The following FAM120AOS variants were observed in gnomAD, a reference collection of about 807,000 sequenced individuals.
The protein encoded by FAM120AOS is family with sequence similarity 120 member A opposite strand, also known as uncharacterized protein FAM120AOS.
FAM120AOS carries 15 observed loss-of-function variants against 20.2 expected under a neutral mutation model. The observed-to-expected ratio is 0.74, with a 90% CI of 0.50 to 1.15. FAM120AOS has a LOEUF of 1.15. Ranked by LOEUF, FAM120AOS falls within the 50% of genes most tolerant of loss-of-function variation. FAM120AOS has a pLI of 0.00. For synonymous variants in FAM120AOS, 154 were observed against 154.0 expected (o/e 1.00, Z 0.00); for missense variants, 327 against 351.9 (o/e 0.93, Z 0.57).
At position 93,452,073 on chromosome 9, in the gene FAM120AOS, G is replaced by C. The variant is rs1857258067; in HGVS notation, c.563+74C>G. 6.2e-7 allele frequency: 1 copy of C among 1,602,092 alleles called. No homozygotes were observed. Among genetic ancestry groups the C allele is most frequent in the African/African-American group, 1.3e-5 (1 of 74,772 alleles). On this transcript the variant is annotated intron_variant, in intron 1 of 2. Coordinates refer to ENST00000375412, the MANE Select transcript of FAM120AOS (RefSeq NM_198841.4). This position sits in a 1 kb window ranked among gnomAD's most constrained non-coding sequence, Gnocchi z 7.0. ...CGCCTGCTGGTGGACGCCGACAACT[G>C]CCTGCACCGCCTCTACGGCGGCTTC...
At position 93,445,205 on chromosome 9, in the gene FAM120AOS, T is replaced by G. The variant is rs1588734583; in HGVS notation, c.*2406A>C. 3.3e-5 allele frequency among the ~76,000 whole-genome samples: 5 copies of G among 152,162 alleles called. No homozygotes were observed. In the South Asian group the frequency reaches 1.0e-3, roughly 32 times the overall value. On this transcript the variant is annotated 3_prime_UTR_variant, in exon 3 of 3. Transcript: ENST00000375412. ...ATGTAAGACATGTTATTTGGGGATATTCAGCATTCCTTTTCCCTTCCTAAA... is the reference window on the plus strand; with the variant it reads ...ATGTAAGACATGTTATTTGGGGATAGTCAGCATTCCTTTTCCCTTCCTAAA...
intron 1 of FAM120AOS, chr9:93,451,725 C>T: frequency 1.0e-6 from 1 of 987,446 alleles, no homozygotes; most frequent in Non-Finnish European, 1.2e-6. Context: ...GCGGCAGGTC[C>T]CTCCCCAGAC....
chr9:93,447,817 T>G, intron 2 of FAM120AOS, 120 bp from the exon 3 acceptor site: 1 of 840,674 alleles, frequency 1.2e-6, no homozygotes, highest in South Asian at 1.6e-5. Context: ...CTGCTACTGC[T>G]GATAACTCAT....
Position 93,445,036 on chromosome 9 carries a change from T to C in FAM120AOS, c.*2575A>G, listed in dbSNP as rs1272592587. On this transcript the variant is annotated 3_prime_UTR_variant, in exon 3 of 3. Transcript: ENST00000375412. ...ACAAACGGTACAAATTAAAAGTTCTTGAGATGTTTGGGCTGACCATGAAGG... is the reference window on the plus strand; with the variant it reads ...ACAAACGGTACAAATTAAAAGTTCTCGAGATGTTTGGGCTGACCATGAAGG... 6.6e-6 allele frequency among the ~76,000 whole-genome samples: 1 copy of C among 152,182 alleles called. No homozygotes were observed. The highest frequency in any genetic ancestry group is 1.5e-5 in the Non-Finnish European group (1 of 68,036).
Position 93,450,462 on chromosome 9 carries a change from A to G in FAM120AOS, c.684+17T>C. On this transcript the variant is annotated intron_variant, in intron 2 of 2. Transcript: ENST00000375412. Reference sequence around the variant, plus strand: ...TGAGGTGGGTATCAGAAAAGAAAGCAGAAAAATCCAACTTGCCTTTTTCAC... The same window carrying G: ...TGAGGTGGGTATCAGAAAAGAAAGCGGAAAAATCCAACTTGCCTTTTTCAC... The G allele has an allele frequency of 6.5e-7, 1 of 1,549,770 alleles. No homozygotes were observed.
rs114459623 is a variant in FAM120AOS, at chr9:93,450,897, C to G, written c.564-298G>C. ...CCACTGCAAAGGCGCACGTTTCAGT[C>G]TAGCCATTGCGCAGTGGTAACGCAG... On this transcript the variant is annotated intron_variant, in intron 1 of 2. Transcript: ENST00000375412. 5.5e-3 allele frequency: 5,557 copies of G among 1,003,814 alleles called. 114 individuals are homozygous for G. Among genetic ancestry groups the G allele is most frequent in the African/African-American group, 0.035 (2,199 of 62,452 alleles). The allele number at this position is 1,003,814 out of a possible 1,614,324, so 62.2% of individuals were successfully genotyped here. A position where few individuals can be genotyped will look rare whatever the true frequency, so the allele number is the denominator to read the frequency against.
At position 93,446,006 on chromosome 9, in the gene FAM120AOS, G is replaced by A. The variant is rs1433174671; in HGVS notation, c.*1605C>T. 6.6e-6 allele frequency among the ~76,000 whole-genome samples: 1 copy of A among 151,880 alleles called. No homozygotes were observed. Among genetic ancestry groups the A allele is most frequent in the Non-Finnish European group, 1.5e-5 (1 of 67,864 alleles). Reference sequence around the variant, plus strand: ...TCTCAGATCCCTCAGCTCCCAGATTGGGCCAACTCTCCTTATACCACCACA... The same window carrying A: ...TCTCAGATCCCTCAGCTCCCAGATTAGGCCAACTCTCCTTATACCACCACA... On this transcript the variant is annotated 3_prime_UTR_variant, in exon 3 of 3. Transcript: ENST00000375412.
chr9:93,445,431 T>C lies in FAM120AOS; in HGVS notation c.*2180A>G, dbSNP rs1343477271. Among the ~76,000 whole-genome samples, 1 of 152,144 alleles carries C rather than the reference T, an allele frequency of 6.6e-6. No individual in the cohort carries two copies. The highest frequency in any genetic ancestry group is 2.4e-5 in the African/African-American group (1 of 41,418). On this transcript the variant is annotated 3_prime_UTR_variant, in exon 3 of 3. Coordinates refer to ENST00000375412, the MANE Select transcript of FAM120AOS (RefSeq NM_198841.4). ...CTAAGTTTGGTCCATTCTACTCTTTTTCATGACTTTGAATCTTGAGCAAAT... is the reference window on the plus strand; with the variant it reads ...CTAAGTTTGGTCCATTCTACTCTTTCTCATGACTTTGAATCTTGAGCAAAT...
At chr9:93,448,766 T>G (rs192590783) in intron 2 of FAM120AOS, among the ~76,000 whole-genome samples, 86 of 151,944 alleles carry the variant, frequency 5.7e-4, no homozygotes, top group African/African-American at 1.9e-3. Flanking sequence ...TATAGGCGCC[T>G]GCCACCACGC....
At position 93,453,458 on chromosome 9, in the gene FAM120AOS, T is replaced by C; in HGVS notation, c.-749A>G. The C allele has an allele frequency of 2.0e-6, 2 of 985,482 alleles. No homozygotes were observed. Among genetic ancestry groups the C allele is most frequent in the Non-Finnish European group, 2.4e-6 (2 of 829,940 alleles). 61.0% of individuals were successfully genotyped at this position (985,482 alleles called of 1,614,324 possible). A position where few individuals can be genotyped will look rare whatever the true frequency, so the allele number is the denominator to read the frequency against. ...GGGGGCCTTTTTGTTGTCTTAGCTC[T>C]TGACACTCGGTCTTCCATCTTGTCA... is the stretch of plus-strand genomic sequence containing the variant. On this transcript the variant is annotated 5_prime_UTR_variant, in exon 1 of 3. Coordinates refer to ENST00000375412, the MANE Select transcript of FAM120AOS (RefSeq NM_198841.4).
Position 93,444,648 on chromosome 9 carries a change from CTT to C in FAM120AOS, c.*2961_*2962del, listed in dbSNP as rs969352308. ...TTTTTTCCTGAGACGGAGTTTCGCT[CTT>C]GTTGCCCAGGCTGGAGTGCAATGGT... On this transcript the variant is annotated 3_prime_UTR_variant, in exon 3 of 3. Transcript: ENST00000375412. Among the ~76,000 whole-genome samples, 7 of 149,984 alleles carry C rather than the reference CTT, an allele frequency of 4.7e-5. No individual in the cohort carries two copies. Among genetic ancestry groups the C allele is most frequent in the African/African-American group, 9.8e-5 (4 of 40,738 alleles).
Position 93,445,926 on chromosome 9 carries a change from T to C in FAM120AOS, c.*1685A>G, listed in dbSNP as rs910346584. The stretch of plus-strand genomic sequence containing the variant: ...TTTTATATGATGGGCTGATGTCTCA[T>C]GAATAACTGTGCCAAAATCCTCACT... On this transcript the variant is annotated 3_prime_UTR_variant, in exon 3 of 3. Coordinates refer to ENST00000375412, the MANE Select transcript of FAM120AOS (RefSeq NM_198841.4). 1.3e-5 allele frequency among the ~76,000 whole-genome samples: 2 copies of C among 152,188 alleles called. No homozygotes were observed. The highest frequency in any genetic ancestry group is 4.8e-5 in the African/African-American group (2 of 41,446).
intron 1 of FAM120AOS, chr9:93,451,899 G>A (rs1857243295): frequency 1.7e-6 from 2 of 1,151,476 alleles, no homozygotes; most frequent in Non-Finnish European, 2.1e-6. Flanking sequence ...ACCCGCGCCC[G>A]CGCCCCCGCC....
intron 2 of FAM120AOS, among the ~76,000 whole-genome samples, chr9:93,449,495 T>TTG (rs2131136751): frequency 7.1e-6 from 1 of 140,994 alleles, no homozygotes; most frequent in African/African-American, 2.6e-5. Flanking sequence ...CACTGGCATT[T>TTG]TTTTTTTTTT....
chr9:93,450,540 C>T lies in FAM120AOS; in HGVS notation c.623G>A (p.Ser208Asn). Reference sequence around the variant, plus strand: ...ACCGTGCGCGTGCAGGCTCCATGTGCTGGGCAGCAGCTGTCCGGCCACAGC... The same window carrying T: ...ACCGTGCGCGTGCAGGCTCCATGTGTTGGGCAGCAGCTGTCCGGCCACAGC... ...RQAVAGQLLP[S>N]TWSLHAHGLA... The change falls in exon 2 of 3, where the codon AGC becomes AAC. Residue 208 changes from serine to asparagine, a missense_variant. Physicochemically the swap from Ser to Asn is conservative, Grantham distance 46. Transcript: ENST00000375412. The T allele has an allele frequency of 6.2e-7, 1 of 1,606,598 alleles. No individual in the cohort carries two copies. The highest frequency in any genetic ancestry group is 8.5e-7 in the Non-Finnish European group (1 of 1,176,158).
Position 93,452,873 on chromosome 9 carries a change from G to A in FAM120AOS, c.-164C>T. 1.4e-6 allele frequency: 2 copies of A among 1,458,964 alleles called. No homozygotes were observed. The highest frequency in any genetic ancestry group is 1.4e-5 in the African/African-American group (1 of 70,012). 90.4% of individuals were successfully genotyped at this position (1,458,964 alleles called of 1,614,324 possible). On this transcript the variant is annotated 5_prime_UTR_variant, in exon 1 of 3. Transcript: ENST00000375412. This position sits in a 1 kb window ranked among gnomAD's most constrained non-coding sequence, Gnocchi z 7.0. ...GAGCCCTTGGGGGCTGCAAATATCA[G>A]TGCTGCTGCCGCCGCCCTTGCCAAT...
rs1856829033 is a variant in FAM120AOS, at chr9:93,445,762, A to G, written c.*1849T>C. Among the ~76,000 whole-genome samples, 1 of 151,652 alleles carries G rather than the reference A, an allele frequency of 6.6e-6. No individual in the cohort carries two copies. The highest frequency in any genetic ancestry group is 1.5e-5 in the Non-Finnish European group (1 of 67,910). On this transcript the variant is annotated 3_prime_UTR_variant, in exon 3 of 3. Coordinates refer to ENST00000375412, the MANE Select transcript of FAM120AOS (RefSeq NM_198841.4). The stretch of plus-strand genomic sequence containing the variant: ...CACACCTCACCTGGCTAATTTTTGG[A>G]TTTTTTGTAGACAATGGGTTTCATC...
chr9:93,451,244 C>T lies in FAM120AOS; in HGVS notation c.564-645G>A, dbSNP rs562483758. The T allele has an allele frequency of 7.3e-6, 11 of 1,516,912 alleles. No individual in the cohort carries two copies. In the East Asian group the frequency reaches 2.5e-4, roughly 34 times the overall value. 94.0% of individuals were successfully genotyped at this position (1,516,912 alleles called of 1,614,324 possible). On this transcript the variant is annotated intron_variant, in intron 1 of 2. Coordinates refer to ENST00000375412, the MANE Select transcript of FAM120AOS (RefSeq NM_198841.4). Reference sequence around the variant, plus strand: ...CGGCGTTAGAAAGGCGGCGTCCCGACGAACAGAGTGACTCGGCCTCGGCTC... The same window carrying T: ...CGGCGTTAGAAAGGCGGCGTCCCGATGAACAGAGTGACTCGGCCTCGGCTC...
chr9:93,451,644 C>T (rs1292090580), intron 1 of FAM120AOS: 8 of 981,490 alleles, frequency 8.2e-6, no homozygotes, highest in Non-Finnish European at 9.7e-6. Flanking sequence ...ACGTCAGCGC[C>T]GCCCGCCCGC....
Sources: gnomAD v4.1 joint callset for allele counts (sites outside exome capture counted in the v4.1 genomes callset) on GRCh38, gnomAD v4.1.1 for gene constraint, Gnocchi (gnomAD v3.1) non-coding constraint, MANE v1.5 for transcripts, NCBI Gene and HGNC (gene_info 2026-07-23, HGNC 2026-07-21) for gene names.